Variants in IQGAP2 observed in about 807,000 individuals in gnomAD.
IQGAP2 encodes IQ motif containing GTPase activating protein 2.
IQGAP2 carries 173 observed loss-of-function variants against 201.3 expected under a neutral mutation model. The ratio of observed to expected loss-of-function variants is 0.86; its 90% CI spans 0.76 to 0.98. IQGAP2 has a LOEUF of 0.98. Ranked by LOEUF, IQGAP2 falls within the 50% of genes least tolerant of loss-of-function variation. The pLI is 0.00. For synonymous variants in IQGAP2, 675 were observed against 673.9 expected (o/e 1.00, Z -0.03); for missense variants, 1,687 against 1,864.8 (o/e 0.90, Z 1.76).
chr5:76,453,830 G>C (rs1399825532), intron 1 of IQGAP2, among the ~76,000 whole-genome samples: 1 of 152,112 alleles, frequency 6.6e-6, no homozygotes, highest in Non-Finnish European at 1.5e-5. Context: ...AAGCATAAAA[G>C]GTTCATACCG....
chr5:76,577,750 TA>T (rs1745567312), intron 5 of IQGAP2, among the ~76,000 whole-genome samples: 1 of 152,174 alleles, frequency 6.6e-6, no homozygotes, highest in Non-Finnish European at 1.5e-5. Context: ...CTCTAATAAA[TA>T]CAGTGGGTTT....
At chr5:76,599,656 A>T (rs1447610229) in intron 10 of IQGAP2, among the ~76,000 whole-genome samples, 1 of 152,156 alleles carries the variant, frequency 6.6e-6, no homozygotes, top group Non-Finnish European at 1.5e-5. Flanking sequence ...TGAAAGATTA[A>T]ACTATCCCTT....
chr5:76,673,515 G>T lies in IQGAP2; in HGVS notation c.3135G>T (p.Glu1045Asp), dbSNP rs778064338. 2 of 1,614,060 alleles carry T rather than the reference G, an allele frequency of 1.2e-6. No individual in the cohort carries two copies. The highest frequency in any genetic ancestry group is 3.3e-5 in the Admixed American group (2 of 60,012). Residue 1045 changes from glutamate to aspartate, a missense_variant, in exon 25 of 36, where the codon GAG becomes GAT. Coordinates refer to ENST00000274364, the MANE Select transcript of IQGAP2 (RefSeq NM_006633.5). ...LTYPEVKNKL[E>D]ASIENLRRVT... is the part of the protein sequence containing the mutation. Reference sequence around the variant, plus strand: ...ACCCAGAAGTGAAAAATAAACTGGAGGCTTCCATTGAGAACCTGAGAAGGG... The same window carrying T: ...ACCCAGAAGTGAAAAATAAACTGGATGCTTCCATTGAGAACCTGAGAAGGG...
intron 23 of IQGAP2, among the ~76,000 whole-genome samples, chr5:76,670,258 T>A (rs571055537): frequency 5.3e-5 from 8 of 152,178 alleles, no homozygotes; most frequent in Non-Finnish European, 1.2e-4. Context: ...ACGCCTGTAG[T>A]CCCAGCACTT....
At chr5:76,617,519 T>C in intron 13 of IQGAP2, 1 of 1,298,992 alleles carries the variant, frequency 7.7e-7, no homozygotes, top group Non-Finnish European at 1.1e-6. Context: ...GCACTATGCT[T>C]ATGTTGTTCT....
At position 76,640,943 on chromosome 5, in the gene IQGAP2, A is replaced by T. The variant is rs1751525467; in HGVS notation, c.1934A>T (p.Glu645Val). ...LTGKEIEDIIEEVTVGYIREN... is the reference protein window; with the variant it reads ...LTGKEIEDIIVEVTVGYIREN... ...AATATCTCTTGCCAGGACATTATTG[A>T]GGAAGTCACAGTAGGTTACATTCGT... The change falls in exon 17 of 36, where the codon GAG becomes GTG. Residue 645 changes from glutamate (E) to valine (V), a missense_variant. Coordinates refer to ENST00000274364, the MANE Select transcript of IQGAP2 (RefSeq NM_006633.5). 6.3e-7 allele frequency: 1 copy of T among 1,584,548 alleles called. No individual in the cohort carries two copies. The highest frequency in any genetic ancestry group is 1.3e-5 in the African/African-American group (1 of 74,576).
At position 76,649,416 on chromosome 5, in the gene IQGAP2, A is replaced by G. The variant is rs1056716320; in HGVS notation, c.2095-3334A>G. 5.1e-4 allele frequency among the ~76,000 whole-genome samples: 77 copies of G among 152,256 alleles called. 1 individual carries two copies. The highest frequency in any genetic ancestry group is 4.8e-3 in the Admixed American group (74 of 15,284). ...GTTACCAGCAAACTTCCCTCAAAGA[A>G]TGACTACAGATAGCTCTCTAAACCA... On this transcript the variant is annotated intron_variant, in intron 17 of 35. Transcript: ENST00000274364.
chr5:76,470,790 G>T (rs1485022386), intron 2 of IQGAP2, among the ~76,000 whole-genome samples: 1 of 151,936 alleles, frequency 6.6e-6, no homozygotes, highest in Non-Finnish European at 1.5e-5. Flanking sequence ...AATACTAAAT[G>T]GACTTTTTAG....
chr5:76,515,870 ATCT>A (rs1372812451), intron 2 of IQGAP2, among the ~76,000 whole-genome samples: 51 of 121,870 alleles, frequency 4.2e-4, no homozygotes, highest in African/African-American at 1.8e-3. Flanking sequence ...CAAGGGGGTG[ATCT>A]TTTTTTTTTT....
intron 1 of IQGAP2, among the ~76,000 whole-genome samples, chr5:76,439,032 C>T (rs966564019): frequency 8.5e-6 from 1 of 117,118 alleles, no homozygotes; most frequent in African/African-American, 5.4e-5. Flanking sequence ...TTGCTGTATC[C>T]CAGAGGCTTT....
chr5:76,626,130 A>G (rs756720513), intron 13 of IQGAP2, among the ~76,000 whole-genome samples: 10 of 151,998 alleles, frequency 6.6e-5, no homozygotes, highest in Non-Finnish European at 1.5e-4. Context: ...ATCTTTAACT[A>G]CTTAGTCTTT....
intron 17 of IQGAP2, among the ~76,000 whole-genome samples, chr5:76,645,567 T>C (rs1450805687): frequency 6.6e-6 from 1 of 152,206 alleles, no homozygotes; most frequent in African/African-American, 2.4e-5. Context: ...TGGTATCTCA[T>C]TGTGATTTTG....
At chr5:76,442,424 A>AC (rs1306795539) in intron 1 of IQGAP2, among the ~76,000 whole-genome samples, 4 of 152,324 alleles carry the variant, frequency 2.6e-5, no homozygotes, top group Admixed American at 2.0e-4. Context: ...AATTGACTTA[A>AC]CCCACTGAAT....
chr5:76,540,888 A>C (rs1366623086), intron 2 of IQGAP2, among the ~76,000 whole-genome samples: 1 of 152,086 alleles, frequency 6.6e-6, no homozygotes, highest in Non-Finnish European at 1.5e-5. Context: ...GCATAGCCAG[A>C]CTCTAATGTC....
At position 76,674,379 on chromosome 5, in the gene IQGAP2, G is replaced by A. The variant is rs921913318; in HGVS notation, c.3295-98G>A. ...CAGAAAATGATCTGCTTTCTCTTGG[G>A]AAATGTAGGAGAATATATATCTTTA... On this transcript the variant is annotated intron_variant, in intron 26 of 35. Coordinates refer to ENST00000274364, the MANE Select transcript of IQGAP2 (RefSeq NM_006633.5). 7 of 678,796 alleles carry A rather than the reference G, an allele frequency of 1.0e-5. No homozygotes were observed. The African/African-American group carries it at 1.3e-4, about 12-fold the overall frequency. 42.0% of individuals were successfully genotyped at this position (678,796 alleles called of 1,614,324 possible).
At chr5:76,416,576 A>G (rs1336305165) in intron 1 of IQGAP2, among the ~76,000 whole-genome samples, 1 of 148,922 alleles carries the variant, frequency 6.7e-6, no homozygotes, top group Non-Finnish European at 1.5e-5. Context: ...CCCAGGCTGG[A>G]GTGTGCAGTG....
Position 76,539,973 on chromosome 5 carries a change from C to T in IQGAP2, c.147-22423C>T, listed in dbSNP as rs745416715. 5.9e-5 allele frequency among the ~76,000 whole-genome samples: 9 copies of T among 152,120 alleles called. No homozygotes were observed. In the South Asian group the frequency reaches 6.2e-4, roughly 11 times the overall value. On this transcript the variant is annotated intron_variant, in intron 2 of 35. Transcript: ENST00000274364. ...CACTAATACTTACTGGCATTTGTGT[C>T]GGATTTGATCAGTAGGCTTAAAATG...
At chr5:76,494,739 C>T (rs1756781112) in intron 2 of IQGAP2, among the ~76,000 whole-genome samples, 1 of 152,120 alleles carries the variant, frequency 6.6e-6, no homozygotes, top group Admixed American at 6.5e-5. Context: ...TGCACACATG[C>T]ATCATTGACA....
intron 1 of IQGAP2, among the ~76,000 whole-genome samples, chr5:76,454,290 A>T (rs900796265): frequency 2.5e-4 from 38 of 151,876 alleles, no homozygotes; most frequent in African/African-American, 7.0e-4. Flanking sequence ...ATATATATAT[A>T]TTTTTTAATT....
Sources: gnomAD v4.1 joint callset for allele counts (sites outside exome capture counted in the v4.1 genomes callset) on GRCh38, gnomAD v4.1.1 for gene constraint, MANE v1.5 for transcripts, NCBI Gene and HGNC (gene_info 2026-07-23, HGNC 2026-07-21) for gene names.